FAM135B: variants seen among roughly 807,000 people sequenced by gnomAD.
FAM135B encodes family with sequence similarity 135 member B, also known as protein FAM135B.
In FAM135B, 43 loss-of-function variants were observed where a neutral mutation model predicts 127.7. The ratio of observed to expected loss-of-function variants is 0.34; its 90% CI spans 0.26 to 0.43. FAM135B has a LOEUF of 0.43. Among genes scored for constraint, FAM135B ranks in the 20% least tolerant of loss-of-function variants. FAM135B has a pLI of 1.00. For missense variants in FAM135B, 1,558 were observed against 1,725.6 expected, an observed-to-expected ratio of 0.90 and a Z score of 1.72; for synonymous variants, 670 against 665.1, an observed-to-expected ratio of 1.01 and a Z score of -0.11.
intron 9 of FAM135B, among the ~76,000 whole-genome samples, chr8:138,182,431 G>A (rs1414759004): frequency 5.3e-5 from 8 of 152,004 alleles, no homozygotes; most frequent in African/African-American, 9.7e-5. Flanking sequence ...TGCCATCCAC[G>A]CCTGCCACAC....
At chr8:138,442,967 G>A (rs937697003) in intron 1 of FAM135B, among the ~76,000 whole-genome samples, 2 of 152,168 alleles carry the variant, frequency 1.3e-5, no homozygotes, top group Non-Finnish European at 2.9e-5. Flanking sequence ...CTGTGTGCGA[G>A]GATGGCTTGT....
At chr8:138,189,570 T>C (rs115043332) in intron 9 of FAM135B, among the ~76,000 whole-genome samples, 3,220 of 152,284 alleles carry the variant, frequency 0.021, 104 homozygotes, top group African/African-American at 0.073. Context: ...TCTGGGACTT[T>C]GGGGGTCATG....
At chr8:138,445,701 T>A (rs1038197804) in intron 1 of FAM135B, among the ~76,000 whole-genome samples, 3 of 152,186 alleles carry the variant, frequency 2.0e-5, no homozygotes, top group African/African-American at 7.2e-5. Flanking sequence ...AATATCATAC[T>A]GAATGGACAA....
intron 4 of FAM135B, among the ~76,000 whole-genome samples, chr8:138,263,913 G>A (rs1396486983): frequency 2.0e-5 from 3 of 152,212 alleles, no homozygotes; most frequent in Admixed American, 6.5e-5. Flanking sequence ...CAGACTGGGA[G>A]AGGGACGACA....
chr8:138,251,530 A>C (rs2130495920), intron 5 of FAM135B, among the ~76,000 whole-genome samples: 1 of 152,316 alleles, frequency 6.6e-6, no homozygotes, highest in Admixed American at 6.5e-5. Flanking sequence ...TATAAATACG[A>C]ATTAAAATGA....
At chr8:138,429,186 A>T (rs1006869995) in intron 1 of FAM135B, among the ~76,000 whole-genome samples, 1 of 152,182 alleles carries the variant, frequency 6.6e-6, no homozygotes, top group Non-Finnish European at 1.5e-5. Flanking sequence ...TAAAATTAAG[A>T]AACCTGGCAC....
intron 1 of FAM135B, among the ~76,000 whole-genome samples, chr8:138,413,881 T>TG (rs5895521): frequency 4.0e-5 from 6 of 151,686 alleles, no homozygotes; most frequent in South Asian, 2.1e-4. Context: ...AGAATAAACC[T>TG]GGGGGGGTGG....
chr8:138,297,406 G>C (rs570534788), intron 3 of FAM135B, among the ~76,000 whole-genome samples: 1 of 152,290 alleles, frequency 6.6e-6, no homozygotes, highest in East Asian at 1.9e-4. Flanking sequence ...CATTTTAGAG[G>C]TGGAGCCAGG....
chr8:138,249,658 T>C (rs538628844), intron 6 of FAM135B, among the ~76,000 whole-genome samples: 2 of 152,190 alleles, frequency 1.3e-5, no homozygotes, highest in South Asian at 4.2e-4. Context: ...GGGTAACTAA[T>C]TTCCTACTCT....
intron 1 of FAM135B, among the ~76,000 whole-genome samples, chr8:138,447,431 T>A (rs1203275717): frequency 6.6e-6 from 1 of 151,998 alleles, no homozygotes; most frequent in Non-Finnish European, 1.5e-5. Context: ...GTAGACTGGA[T>A]TAAAAAAATG....
chr8:138,448,246 G>T (rs1388220934), intron 1 of FAM135B, among the ~76,000 whole-genome samples: 1 of 152,132 alleles, frequency 6.6e-6, no homozygotes, highest in Admixed American at 6.5e-5. Context: ...TTCCCAGTGT[G>T]TTGGGGAGGG....
chr8:138,490,091 G>C (rs1815139809), intron 1 of FAM135B, among the ~76,000 whole-genome samples: 1 of 152,126 alleles, frequency 6.6e-6, no homozygotes, highest in African/African-American at 2.4e-5. Context: ...AGAGGATGGG[G>C]CATAATAGGC....
intron 5 of FAM135B, among the ~76,000 whole-genome samples, chr8:138,255,105 C>T (rs1821976251): frequency 6.7e-6 from 1 of 148,796 alleles, no homozygotes; most frequent in South Asian, 2.1e-4. Context: ...TCAGGACGCA[C>T]TGTAACCTTG....
intron 1 of FAM135B, among the ~76,000 whole-genome samples, chr8:138,381,419 G>A (rs913215886): frequency 2.6e-5 from 4 of 151,954 alleles, no homozygotes; most frequent in Admixed American, 6.6e-5. Context: ...CCATGCCACC[G>A]CCCTCCCTAA....
intron 3 of FAM135B, among the ~76,000 whole-genome samples, chr8:138,309,750 C>T (rs1481072808): frequency 6.6e-6 from 1 of 151,938 alleles, no homozygotes; most frequent in Non-Finnish European, 1.5e-5. Context: ...AACTGGATTT[C>T]TACAACATTC....
chr8:138,497,495 A>G (rs1815442779), upstream of FAM135B, among the ~76,000 whole-genome samples: 1 of 152,102 alleles, frequency 6.6e-6, no homozygotes, highest in African/African-American at 2.4e-5. Flanking sequence ...CGGGCAGGAA[A>G]AGGGTCCCTG....
chr8:138,331,781 A>G (rs1285667219), intron 2 of FAM135B, among the ~76,000 whole-genome samples: 1 of 152,224 alleles, frequency 6.6e-6, no homozygotes, highest in Non-Finnish European at 1.5e-5. Context: ...TTGGAGTAAA[A>G]TAATCCAAAT....
Position 138,214,797 on chromosome 8 carries a change from C to T in FAM135B, c.670-17128G>A, listed in dbSNP as rs527822254. Among the ~76,000 whole-genome samples, 3 of 152,244 alleles carry T rather than the reference C, an allele frequency of 2.0e-5. No homozygotes were observed. In the East Asian group the frequency reaches 5.8e-4, roughly 29 times the overall value. On this transcript the variant is annotated intron_variant, in intron 7 of 19. Transcript: ENST00000395297. Reference sequence around the variant, plus strand: ...GGCATAAAGCAGTATGAAGGTCTCTCTTATTTGTCATGATGATGCATGTAA... The same window carrying T: ...GGCATAAAGCAGTATGAAGGTCTCTTTTATTTGTCATGATGATGCATGTAA...
At chr8:138,288,202 C>T (rs565520271) in intron 3 of FAM135B, among the ~76,000 whole-genome samples, 1 of 152,180 alleles carries the variant, frequency 6.6e-6, no homozygotes, top group East Asian at 1.9e-4. Flanking sequence ...TTACTGAGTG[C>T]CCAGTTTGTA....
Sources: gnomAD v4.1 joint callset for allele counts (sites outside exome capture counted in the v4.1 genomes callset) on GRCh38, gnomAD v4.1.1 for gene constraint, MANE v1.5 for transcripts, NCBI Gene and HGNC (gene_info 2026-07-23, HGNC 2026-07-21) for gene names.